Variants in TRIM66 observed in about 807,000 individuals in gnomAD.
TRIM66 encodes tripartite motif containing 66.
A neutral mutation model predicts 148.2 loss-of-function variants in TRIM66; 99 were observed. The observed-to-expected ratio is 0.67, with a 90% CI of 0.57 to 0.79. The LOEUF (loss-of-function observed/expected upper bound fraction) is 0.79. Ranked by LOEUF, TRIM66 falls within the 30% of genes least tolerant of loss-of-function variation. TRIM66 has a pLI of 0.00. For synonymous variants in TRIM66, 616 were observed against 635.9 expected (o/e 0.97, Z 0.47); for missense variants, 1,666 against 1,697.9 (o/e 0.98, Z 0.33).
rs566665447 is a variant in TRIM66, at chr11:8,680,640, C to A, written c.-547-577G>T. On this transcript the variant is annotated intron_variant, in intron 1 of 24. Coordinates refer to ENST00000646038, the MANE Select transcript of TRIM66 (RefSeq NM_001388022.1). Reference sequence around the variant, plus strand: ...ACCAGTGAGCAGTGCAGATTGAGTTCTTTGGATATGTTTACTTTGTCTGTA... The same window carrying A: ...ACCAGTGAGCAGTGCAGATTGAGTTATTTGGATATGTTTACTTTGTCTGTA... 2.8e-4 allele frequency: 42 copies of A among 152,294 alleles called. 1 individual carries two copies. The highest frequency in any genetic ancestry group is 9.6e-4 in the African/African-American group (40 of 41,546). The allele number at this position is 152,294 out of a possible 1,614,324, so 9.4% of individuals were successfully genotyped here. A position where few individuals can be genotyped will look rare whatever the true frequency, so the allele number is the denominator to read the frequency against.
chr11:8,621,600 T>G, intron 19 of TRIM66, 45 bp downstream of exon 19: 1 of 1,474,416 alleles, frequency 6.8e-7, no homozygotes, highest in Non-Finnish European at 9.0e-7. Flanking sequence ...GAATAAGCTC[T>G]TAGGCTGGGC....
chr11:8,678,174 A>G (rs2039265949), intron 3 of TRIM66: 1 of 152,240 alleles, frequency 6.6e-6, no homozygotes, highest in South Asian at 2.1e-4. Context: ...TTTATCCTAG[A>G]CAAGTTATTC....
upstream of TRIM66, chr11:8,682,779 G>A (rs762585692): frequency 6.2e-6 from 10 of 1,613,536 alleles, no homozygotes; most frequent in South Asian, 5.5e-5. Context: ...CGCGAGACTT[G>A]GCGAAGGCCT....
At chr11:8,663,107 T>C (rs1261097023) in intron 6 of TRIM66, 3 of 152,256 alleles carry the variant, frequency 2.0e-5, no homozygotes, top group African/African-American at 7.2e-5. Flanking sequence ...GCTAGGCCAC[T>C]GTATTCTCAC....
intron 19 of TRIM66, 80 bp downstream of exon 19, chr11:8,621,565 G>A: frequency 2.1e-6 from 3 of 1,445,000 alleles, no homozygotes; most frequent in Non-Finnish European, 2.7e-6. Context: ...AGGTCCCAGA[G>A]TCAGAATTCG....
intron 6 of TRIM66, among the ~76,000 whole-genome samples, chr11:8,652,894 A>T (rs552586447): frequency 6.6e-6 from 1 of 152,356 alleles, no homozygotes; most frequent in Non-Finnish European, 1.5e-5. Flanking sequence ...TAAGTCCAAA[A>T]TACCAGGCCT....
At chr11:8,672,936 TC>T (rs752765787) in intron 4 of TRIM66, among the ~76,000 whole-genome samples, 1 of 113,836 alleles carries the variant, frequency 8.8e-6, no homozygotes, top group Non-Finnish European at 1.9e-5. Context: ...TGGCCCATAC[TC>T]TTTTTTTTTT....
intron 5 of TRIM66, 26 bp downstream of exon 5, chr11:8,672,222 C>T: frequency 1.3e-6 from 2 of 1,536,158 alleles, no homozygotes; most frequent in Non-Finnish European, 8.7e-7. Flanking sequence ...GAGCTGGAGG[C>T]TCATGCCTCA....
intron 15 of TRIM66, among the ~76,000 whole-genome samples, chr11:8,625,577 C>A (rs11042016): frequency 6.6e-6 from 1 of 151,740 alleles, no homozygotes; most frequent in South Asian, 2.1e-4. Context: ...GACACACACA[C>A]ACACAGCCAT....
At chr11:8,641,232 G>T in intron 13 of TRIM66, 80 bp from the exon 14 acceptor site, 1 of 1,275,402 alleles carries the variant, frequency 7.8e-7, no homozygotes. Context: ...TGGGACAAAA[G>T]AACCTCATTC....
Position 8,672,387 on chromosome 11 carries a change from T to C in TRIM66, c.-111-2A>G. On this transcript the variant is annotated splice_acceptor_variant, in intron 4 of 24. Coordinates refer to ENST00000646038, the MANE Select transcript of TRIM66 (RefSeq NM_001388022.1). LOFTEE classifies it low-confidence loss of function (5UTR_SPLICE). Reference sequence around the variant, plus strand: ...TCCTTATTGGTAGACAAGCTTGACCTAAGTTTCAATTTTGGAAAAAGGAAG... The same window carrying C: ...TCCTTATTGGTAGACAAGCTTGACCCAAGTTTCAATTTTGGAAAAAGGAAG... 1.3e-6 allele frequency: 2 copies of C among 1,497,022 alleles called. No individual in the cohort carries two copies. The highest frequency in any genetic ancestry group is 8.8e-7 in the Non-Finnish European group (1 of 1,130,318). The allele number at this position is 1,497,022 out of a possible 1,614,324, so 92.7% of individuals were successfully genotyped here.
chr11:8,671,893 A>T lies in TRIM66; in HGVS notation c.233T>A (p.Met78Lys), dbSNP rs1249306952. The change falls in exon 6 of 25, where the codon ATG (methionine) becomes AAG (lysine). Residue 78 changes from methionine to lysine, a missense_variant. Met to Lys is a moderately conservative substitution (Grantham distance 95). Transcript: ENST00000646038. Reference sequence around the variant, plus strand: ...CTGGCAGGATAGGAGATGAGAGCCCATACCTGGCAGGTCCTGATGGCACAA... The same window carrying T: ...CTGGCAGGATAGGAGATGAGAGCCCTTACCTGGCAGGTCCTGATGGCACAA... ...CSLCHQDLPG[M>K]GSHLLSCQHL... 6.5e-7 allele frequency: 1 copy of T among 1,536,166 alleles called. No homozygotes were observed. Among genetic ancestry groups the T allele is most frequent in the Admixed American group, 2.0e-5 (1 of 51,006 alleles).
chr11:8,618,052 T>C, intron 24 of TRIM66, 49 bp from the exon 25 acceptor site: 1 of 1,516,758 alleles, frequency 6.6e-7, no homozygotes, highest in Non-Finnish European at 9.0e-7. Flanking sequence ...ATGTAGGATT[T>C]ATTAACATGA....
At position 8,643,159 on chromosome 11, in the gene TRIM66, C is replaced by T. The variant is rs959193940; in HGVS notation, c.1105-33G>A. The stretch of plus-strand genomic sequence containing the variant: ...CAGCACCAAAGGTCATTTATTTGGG[C>T]ATCTTGCACCTAAATGACAACTCCC... On this transcript the variant is annotated intron_variant, in intron 12 of 24. Coordinates refer to ENST00000646038, the MANE Select transcript of TRIM66 (RefSeq NM_001388022.1). The T allele has an allele frequency of 9.2e-6, 14 of 1,525,912 alleles. No individual in the cohort carries two copies. In the African/African-American group the frequency reaches 1.9e-4, roughly 21 times the overall value. The allele number at this position is 1,525,912 out of a possible 1,614,324, so 94.5% of individuals were successfully genotyped here.
At chr11:8,661,812 G>GA (rs1270341206) in intron 6 of TRIM66, among the ~76,000 whole-genome samples, 1 of 152,126 alleles carries the variant, frequency 6.6e-6, no homozygotes, top group Admixed American at 6.5e-5. Flanking sequence ...CCTTAAATCA[G>GA]AAAGTTCCAG....
intron 19 of TRIM66, 115 bp from the exon 20 acceptor site, chr11:8,621,436 A>T (rs925146765): frequency 7.2e-7 from 1 of 1,393,796 alleles, no homozygotes; most frequent in Non-Finnish European, 9.5e-7. Context: ...TTATTCCAGG[A>T]CCCCAAGCCA....
At chr11:8,627,591 C>CA (rs1187448838) in intron 15 of TRIM66, among the ~76,000 whole-genome samples, 1 of 152,168 alleles carries the variant, frequency 6.6e-6, no homozygotes, top group Non-Finnish European at 1.5e-5. Flanking sequence ...ATTGTTGCTG[C>CA]AGACCTAGTT....
At chr11:8,631,065 T>A (rs138002387) in intron 15 of TRIM66, among the ~76,000 whole-genome samples, 6,414 of 152,284 alleles carry the variant, frequency 0.042, 200 homozygotes, top group Non-Finnish European at 0.058. Flanking sequence ...AAAATTCAGA[T>A]AAAACATTGC....
At chr11:8,633,799 C>A (rs1592067831) in intron 15 of TRIM66, among the ~76,000 whole-genome samples, 1 of 152,086 alleles carries the variant, frequency 6.6e-6, no homozygotes, top group Admixed American at 6.6e-5. Flanking sequence ...AAGTCATTGT[C>A]CAGCTTTGGG....
Sources: gnomAD v4.1 joint callset for allele counts (sites outside exome capture counted in the v4.1 genomes callset) on GRCh38, gnomAD v4.1.1 for gene constraint, MANE v1.5 for transcripts, NCBI Gene and HGNC (gene_info 2026-07-23, HGNC 2026-07-21) for gene names.